SPTBN1: variants seen among roughly 807,000 people sequenced by gnomAD.
SPTBN1 encodes the protein spectrin beta, non-erythrocytic 1, also known as spectrin beta chain, non-erythrocytic 1.
A neutral mutation model predicts 266.4 loss-of-function variants in SPTBN1; 32 were observed. The observed-to-expected ratio is 0.12, with a 90% CI of 0.09 to 0.16. The LOEUF is 0.16. Among genes scored for constraint, SPTBN1 ranks in the 10% least tolerant of loss-of-function variants. The pLI is 1.00. For synonymous variants in SPTBN1, 1,336 were observed against 1,162.2 expected (o/e 1.15, Z -3.04); for missense variants, 2,296 against 3,067.1 (o/e 0.75, Z 5.94).
rs1180173934 is a variant in SPTBN1 at position 54,471,876 on chromosome 2, G to A, written c.-48+15358G>A. Among the ~76,000 whole-genome samples the A allele has an allele frequency of 2.3e-5, 3 of 129,458 alleles. No individual in the cohort carries two copies. The East Asian group carries it at 7.5e-4, about 33-fold the overall frequency. The allele number at this position is 129,458 out of a possible 152,430, so 84.9% of individuals were successfully genotyped here. On this transcript the variant is annotated intron_variant, in intron 1 of 35. Coordinates refer to ENST00000356805, the MANE Select transcript of SPTBN1 (RefSeq NM_003128.3). Reference sequence around the variant, plus strand: ...GCATATGAAGAAGATATAATTCTCTGTAACATCTTATGTTGAATGATTTTA... The same window carrying A: ...GCATATGAAGAAGATATAATTCTCTATAACATCTTATGTTGAATGATTTTA...
chr2:54,611,483 TA>T (rs929193116), intron 3 of SPTBN1, among the ~76,000 whole-genome samples: 1 of 152,160 alleles, frequency 6.6e-6, no homozygotes, highest in African/African-American at 2.4e-5. Context: ...TCTATATATA[TA>T]TTTTTTGTTT....
intron 2 of SPTBN1, among the ~76,000 whole-genome samples, chr2:54,576,375 T>C (rs1476360099): frequency 6.6e-6 from 1 of 152,186 alleles, no homozygotes; most frequent in Non-Finnish European, 1.5e-5. Flanking sequence ...TTTCTGCTAT[T>C]GCTTTGGCCT....
At chr2:54,524,290 C>T (rs1160333747) in intron 1 of SPTBN1, among the ~76,000 whole-genome samples, 1 of 152,194 alleles carries the variant, frequency 6.6e-6, no homozygotes, top group Non-Finnish European at 1.5e-5. Context: ...TTTCTTCCTA[C>T]ATTTGCAGAT....
At chr2:54,588,919 TG>T (rs1675482348) in intron 2 of SPTBN1, among the ~76,000 whole-genome samples, 1 of 152,224 alleles carries the variant, frequency 6.6e-6, no homozygotes, top group Admixed American at 6.5e-5. Flanking sequence ...TTTTTTGTTT[TG>T]TTTTTTAAAA....
At chr2:54,500,336 A>G (rs2104107547) in intron 1 of SPTBN1, among the ~76,000 whole-genome samples, 1 of 152,264 alleles carries the variant, frequency 6.6e-6, no homozygotes, top group African/African-American at 2.4e-5. Context: ...AGTGGGCCTC[A>G]GGTGTTCCCA....
At chr2:54,665,855 C>T in intron 33 of SPTBN1, 60 bp from the exon 34 acceptor site, 2 of 1,537,212 alleles carry the variant, frequency 1.3e-6, no homozygotes, top group East Asian at 2.3e-5. Flanking sequence ...ATGTTTAGTT[C>T]TTTAAGGGGA....
At chr2:54,541,899 G>A (rs1022648392) in intron 2 of SPTBN1, among the ~76,000 whole-genome samples, 22 of 152,144 alleles carry the variant, frequency 1.4e-4, no homozygotes, top group African/African-American at 4.1e-4. Flanking sequence ...TAGTGTTTAC[G>A]TGTACCACAT....
chr2:54,668,098 G>C (rs1681489458), intron 35 of SPTBN1, among the ~76,000 whole-genome samples: 1 of 152,228 alleles, frequency 6.6e-6, no homozygotes, highest in Non-Finnish European at 1.5e-5. Flanking sequence ...CTCACAGATT[G>C]AGACTGGTCT....
At chr2:54,610,407 A>G (rs1184347242) in intron 3 of SPTBN1, among the ~76,000 whole-genome samples, 1 of 152,128 alleles carries the variant, frequency 6.6e-6, no homozygotes, top group East Asian at 1.9e-4. Flanking sequence ...CACATAAAAG[A>G]TGCATTTTTA....
intron 2 of SPTBN1, among the ~76,000 whole-genome samples, chr2:54,597,990 T>C (rs2103675483): frequency 6.6e-6 from 1 of 151,572 alleles, no homozygotes; most frequent in South Asian, 2.1e-4. Flanking sequence ...ATATAGTGTA[T>C]GTAACATAGA....
chr2:54,490,915 G>A (rs892486015), intron 1 of SPTBN1, among the ~76,000 whole-genome samples: 10 of 152,218 alleles, frequency 6.6e-5, no homozygotes, highest in Admixed American at 1.3e-4. Context: ...GTGTTGAAGA[G>A]TGAAGGGAGC....
chr2:54,576,144 T>A (rs1239366341), intron 2 of SPTBN1, among the ~76,000 whole-genome samples: 1 of 140,872 alleles, frequency 7.1e-6, no homozygotes, highest in East Asian at 2.2e-4. Flanking sequence ...AACCTCTGCC[T>A]CCTGGGTTCA....
At chr2:54,577,211 C>G (rs1215075351) in intron 2 of SPTBN1, among the ~76,000 whole-genome samples, 1 of 152,206 alleles carries the variant, frequency 6.6e-6, no homozygotes. Flanking sequence ...GGACAAGTGA[C>G]TTGCATTTCA....
chr2:54,505,500 C>A (rs1294441500), intron 1 of SPTBN1, among the ~76,000 whole-genome samples: 3 of 152,190 alleles, frequency 2.0e-5, no homozygotes, highest in Non-Finnish European at 4.4e-5. Flanking sequence ...AACCCCTAGC[C>A]ACTGTGAAGT....
intron 1 of SPTBN1, among the ~76,000 whole-genome samples, chr2:54,504,959 C>T (rs542086919): frequency 6.6e-6 from 1 of 152,130 alleles, no homozygotes; most frequent in East Asian, 1.9e-4. Flanking sequence ...CCAATGAAAA[C>T]GTGTATAAAT....
intron 2 of SPTBN1, chr2:54,534,951 T>A (rs983434163): frequency 2.0e-5 from 3 of 152,256 alleles, no homozygotes; most frequent in Non-Finnish European, 4.4e-5. Context: ...CTCATTCCCC[T>A]TTTTGTCTCC....
chr2:54,560,553 T>C (rs1673229464), intron 2 of SPTBN1, among the ~76,000 whole-genome samples: 1 of 152,138 alleles, frequency 6.6e-6, no homozygotes, highest in South Asian at 2.1e-4. Context: ...ACGTAAAGTT[T>C]AAATTTAAAA....
chr2:54,539,722 G>A (rs1671824870), intron 2 of SPTBN1, among the ~76,000 whole-genome samples: 1 of 152,078 alleles, frequency 6.6e-6, no homozygotes, highest in South Asian at 2.1e-4. Context: ...ATATTTGTTT[G>A]GTGGAGACGA....
At chr2:54,483,557 G>A (rs11125540) in intron 1 of SPTBN1, among the ~76,000 whole-genome samples, 150,574 of 152,328 alleles carry the variant, frequency 0.99, 74,419 homozygotes, top group East Asian at 1. Flanking sequence ...GCTCTTTGCT[G>A]TGCCTTCCTG....
Sources: allele counts gnomAD v4.1 joint callset (sites outside exome capture counted in the v4.1 genomes callset), GRCh38; gene constraint gnomAD v4.1.1; transcripts MANE v1.5; gene names NCBI Gene and HGNC (gene_info 2026-07-23, HGNC 2026-07-21).